The following GJA1 variants were observed in gnomAD, a reference collection of about 807,000 sequenced individuals.
GJA1 encodes gap junction protein alpha 1.
A neutral mutation model predicts 31.0 loss-of-function variants in GJA1; 9 were observed. The ratio of observed to expected loss-of-function variants is 0.29; its 90% CI spans 0.17 to 0.51. The LOEUF (loss-of-function observed/expected upper bound fraction) is 0.51. GJA1 is among the 20% of genes least tolerant of loss of function. The pLI, the probability that GJA1 is intolerant of heterozygous loss-of-function variation, is 0.98. For missense variants in GJA1, 278 were observed against 468.8 expected, an observed-to-expected ratio of 0.59 and a Z score of 3.76; for synonymous variants, 186 against 180.1, an observed-to-expected ratio of 1.03 and a Z score of -0.26.
rs538458191 is a variant in GJA1, at chr6:121,440,194, G to A, written c.-17+4362G>A. Among the ~76,000 whole-genome samples the A allele has an allele frequency of 7.3e-5, 11 of 149,936 alleles. No individual in the cohort carries two copies. The East Asian group carries it at 2.2e-3, about 30-fold the overall frequency. On this transcript the variant is annotated intron_variant, in intron 1 of 1. Coordinates refer to ENST00000282561, the MANE Select transcript of GJA1 (RefSeq NM_000165.5). ...CGTAGAACTAGGGGACAACCACACA[G>A]TTGTGTTTTTTCCTTTTTTTTTTTG...
At position 121,447,279 on chromosome 6, in the gene GJA1, G is replaced by A. The variant is rs201994305; in HGVS notation, c.432G>A (p.Lys144=). ...AGTACGGTATTGAAGAGCATGGTAAGGTGAAAATGCGAGGGGGGTTGCTGC... is the reference window on the plus strand; with the variant it reads ...AGTACGGTATTGAAGAGCATGGTAAAGTGAAAATGCGAGGGGGGTTGCTGC... ...KFKYGIEEHG[K]VKMRGGLLRT... is the part of the protein sequence containing the mutation. The change falls in exon 2 of 2, where the codon AAG becomes AAA. Residue 144 remains lysine, a synonymous_variant. Coordinates refer to ENST00000282561, the MANE Select transcript of GJA1 (RefSeq NM_000165.5). 1.8e-4 allele frequency: 297 copies of A among 1,614,032 alleles called. No homozygotes were observed. The highest frequency in any genetic ancestry group is 2.4e-4 in the Non-Finnish European group (288 of 1,180,022).
intron 1 of GJA1, among the ~76,000 whole-genome samples, chr6:121,443,884 A>T (rs573716385): frequency 5.3e-5 from 8 of 152,294 alleles, no homozygotes; most frequent in Admixed American, 5.2e-4. Context: ...TAGCAATTGA[A>T]ATATGTGAGC....
chr6:121,445,426 T>C (rs1351741410), intron 1 of GJA1, among the ~76,000 whole-genome samples: 1 of 152,196 alleles, frequency 6.6e-6, no homozygotes. Context: ...GAGTGCATTA[T>C]AGGCGTGAGC....
In GJA1 at chr6:121,446,904, T is replaced by A. The variant is rs751197370; in HGVS notation, c.57T>A (p.Thr19=). 5.6e-6 allele frequency: 9 copies of A among 1,613,890 alleles called. No individual in the cohort carries two copies. The South Asian group carries it at 8.8e-5, about 16-fold the overall frequency. ...KLLDKVQAYS[T]AGGKVWLSVL... is the part of the protein sequence containing the mutation. ...TTGACAAGGTTCAAGCCTACTCAAC[T>A]GCTGGAGGGAAGGTGTGGCTGTCAG... Residue 19 remains threonine, a synonymous_variant, in exon 2 of 2, where the codon ACT becomes ACA. Coordinates refer to ENST00000282561, the MANE Select transcript of GJA1 (RefSeq NM_000165.5).
Position 121,449,667 on chromosome 6 carries a change from C to G in GJA1, c.*1671C>G, listed in dbSNP as rs1259980625. The G allele has an allele frequency of 1.2e-5, 2 of 167,090 alleles. No homozygotes were observed. Among genetic ancestry groups the G allele is most frequent in the African/African-American group, 2.4e-5 (1 of 41,448 alleles). The allele number at this position is 167,090 out of a possible 1,614,324, so 10.4% of individuals were successfully genotyped here. A position where few individuals can be genotyped will look rare whatever the true frequency, so the allele number is the denominator to read the frequency against. ...TGCATGTAATGTAGACCTAGTCCATCAGATCATGTGTTCTGGAGAGTGTTC... is the reference window on the plus strand; with the variant it reads ...TGCATGTAATGTAGACCTAGTCCATGAGATCATGTGTTCTGGAGAGTGTTC... On this transcript the variant is annotated 3_prime_UTR_variant, in exon 2 of 2. Transcript: ENST00000282561.
chr6:121,436,542 G>A (rs1007314900), intron 1 of GJA1, among the ~76,000 whole-genome samples: 2 of 152,164 alleles, frequency 1.3e-5, no homozygotes, highest in African/African-American at 4.8e-5. Context: ...AGACCCTCAG[G>A]AGAGACAGCT....
chr6:121,442,412 T>G (rs1401043401), intron 1 of GJA1, among the ~76,000 whole-genome samples: 1 of 152,222 alleles, frequency 6.6e-6, no homozygotes, highest in Non-Finnish European at 1.5e-5. Context: ...TTTAAGTTCT[T>G]CTGCTCTCAG....
At chr6:121,436,743 C>T (rs1773669734) in intron 1 of GJA1, among the ~76,000 whole-genome samples, 1 of 152,160 alleles carries the variant, frequency 6.6e-6, no homozygotes, top group South Asian at 2.1e-4. Flanking sequence ...TGGGAGCTCC[C>T]CCCGCCAACA....
intron 1 of GJA1, 22 bp from the exon 2 acceptor site, chr6:121,446,810 A>T (rs1178993038): frequency 3.4e-6 from 5 of 1,465,740 alleles, no homozygotes; most frequent in Non-Finnish European, 4.8e-6. Flanking sequence ...TGATCCTTGA[A>T]TTGTCTCTTT....
intron 1 of GJA1, among the ~76,000 whole-genome samples, chr6:121,439,171 A>T (rs939354071): frequency 6.6e-6 from 1 of 152,186 alleles, no homozygotes; most frequent in African/African-American, 2.4e-5. Context: ...ATGTTTGTCA[A>T]TCATTTCTTA....
intron 1 of GJA1, among the ~76,000 whole-genome samples, chr6:121,443,381 C>G (rs1205116916): frequency 6.6e-6 from 1 of 151,948 alleles, no homozygotes; most frequent in East Asian, 1.9e-4. Flanking sequence ...GTGTCCAATT[C>G]GATAATTCGT....
intron 1 of GJA1, among the ~76,000 whole-genome samples, chr6:121,443,542 CTG>C (rs1298997118): frequency 2.0e-5 from 3 of 152,100 alleles, no homozygotes; most frequent in Non-Finnish European, 4.4e-5. Flanking sequence ...TACTATGGAA[CTG>C]TGGAGTGTTT....
In GJA1 at chr6:121,448,263, A is replaced by G. The variant is rs1773923978; in HGVS notation, c.*267A>G. The stretch of plus-strand genomic sequence containing the variant: ...AACTTAGATTATAAATAAGAGTTCC[A>G]TTAGGTGATACATAGATAAGGGCTT... On this transcript the variant is annotated 3_prime_UTR_variant, in exon 2 of 2. Transcript: ENST00000282561. 2 of 525,438 alleles carry G rather than the reference A, an allele frequency of 3.8e-6. No individual in the cohort carries two copies. Among genetic ancestry groups the G allele is most frequent in the South Asian group, 2.1e-5 (1 of 47,350 alleles). The allele number at this position is 525,438 out of a possible 1,614,324, so 32.5% of individuals were successfully genotyped here.
In GJA1 at chr6:121,447,929, A is replaced by T. The variant is rs755674091; in HGVS notation, c.1082A>T (p.Gln361Leu). ...TTACAGCCACTAGCCATTGTGGACC[A>T]GCGACCTTCAAGCAGAGCCAGCAGT... Reference protein sequence around the residue: ...HELQPLAIVDQRPSSRASSRA... With the variant: ...HELQPLAIVDLRPSSRASSRA... Residue 361 changes from glutamine to leucine, a missense_variant, in exon 2 of 2, where the codon CAG (glutamine) becomes CTG (leucine). Coordinates refer to ENST00000282561, the MANE Select transcript of GJA1 (RefSeq NM_000165.5). 6.2e-7 allele frequency: 1 copy of T among 1,613,870 alleles called. No homozygotes were observed. The highest frequency in any genetic ancestry group is 8.5e-7 in the Non-Finnish European group (1 of 1,179,828).
At chr6:121,446,616 C>T (rs891561063) in intron 1 of GJA1, among the ~76,000 whole-genome samples, 2 of 152,224 alleles carry the variant, frequency 1.3e-5, no homozygotes, top group African/African-American at 4.8e-5. Flanking sequence ...GCTTCTAAGA[C>T]TTACTTTGTC....
intron 1 of GJA1, among the ~76,000 whole-genome samples, 158 bp downstream of exon 1, chr6:121,435,990 A>T (rs571786222): frequency 6.6e-6 from 1 of 152,284 alleles, no homozygotes; most frequent in South Asian, 2.1e-4. Context: ...TAAAGTTAAA[A>T]TTTATTGTAC....
chr6:121,437,354 C>CTTT (rs113246353), intron 1 of GJA1, among the ~76,000 whole-genome samples: 15 of 133,994 alleles, frequency 1.1e-4, no homozygotes, highest in African/African-American at 3.8e-4. Context: ...CACACCAGCC[C>CTTT]TTTTTTTTTT....
At chr6:121,441,538 C>T (rs1773781785) in intron 1 of GJA1, among the ~76,000 whole-genome samples, 1 of 152,060 alleles carries the variant, frequency 6.6e-6, no homozygotes, top group South Asian at 2.1e-4. Flanking sequence ...GAGAGAAAGT[C>T]TATTAAAATA....
At position 121,446,956 on chromosome 6, in the gene GJA1, C is replaced by CT; in HGVS notation, c.110dup (p.Thr39AspfsTer4). 6.2e-7 allele frequency: 1 copy of CT among 1,614,044 alleles called. No homozygotes were observed. The highest frequency in any genetic ancestry group is 8.5e-7 in the Non-Finnish European group (1 of 1,179,898). On this transcript the variant is annotated frameshift_variant, in exon 2 of 2. Coordinates refer to ENST00000282561, the MANE Select transcript of GJA1 (RefSeq NM_000165.5). LOFTEE classifies it high-confidence loss of function. ...ACTTTTCATTTTCCGAATCCTGCTG[C>CT]TGGGGACAGCGGTTGAGTCAGCCTG...
Sources: gnomAD v4.1 joint callset for allele counts (sites outside exome capture counted in the v4.1 genomes callset) on GRCh38, gnomAD v4.1.1 for gene constraint, MANE v1.5 for transcripts, NCBI Gene and HGNC (gene_info 2026-07-23, HGNC 2026-07-21) for gene names.